Variants in NCKAP5 observed in about 807,000 individuals in gnomAD.
NCKAP5 encodes nck-associated protein 5.
In NCKAP5, 92 loss-of-function variants were observed where a neutral mutation model predicts 167.0. That is an observed-to-expected ratio of 0.55 (90% CI 0.47 to 0.66). The LOEUF is 0.66. NCKAP5 is among the 30% of genes least tolerant of loss of function. NCKAP5 has a pLI of 0.00. For missense variants in NCKAP5, 2,378 were observed against 2,315.0 expected, an observed-to-expected ratio of 1.03 and a Z score of -0.56; for synonymous variants, 891 against 877.4, an observed-to-expected ratio of 1.02 and a Z score of -0.27.
chr2:132,742,076 C>T (rs368004569), intron 16 of NCKAP5, among the ~76,000 whole-genome samples: 1 of 152,170 alleles, frequency 6.6e-6, no homozygotes, highest in African/African-American at 2.4e-5. Context: ...ATCTTTGCTT[C>T]TGTACAACAA....
intron 19 of NCKAP5, among the ~76,000 whole-genome samples, chr2:132,697,230 C>A (rs1176039825): frequency 4.6e-5 from 7 of 152,214 alleles, no homozygotes; most frequent in Non-Finnish European, 7.3e-5. Context: ...GAGCAGTCAC[C>A]TTGGAGGAGC....
intron 13 of NCKAP5, among the ~76,000 whole-genome samples, chr2:132,789,000 A>G (rs1683830186): frequency 6.6e-6 from 1 of 152,126 alleles, no homozygotes; most frequent in African/African-American, 2.4e-5. Context: ...ACCATGACAG[A>G]GCCCTATTAA....
At chr2:133,154,133 C>A (rs1034399522) in intron 5 of NCKAP5, among the ~76,000 whole-genome samples, 1 of 152,146 alleles carries the variant, frequency 6.6e-6, no homozygotes, top group Admixed American at 6.5e-5. Flanking sequence ...TGAGCCACCA[C>A]TCCCGGCCAG....
At chr2:133,594,890 ATT>A in the NCKAP5 span, among the ~76,000 whole-genome samples, 4 of 152,014 alleles carry the variant, frequency 2.6e-5, no homozygotes, top group African/African-American at 7.2e-5. Context: ...TTACACATTC[ATT>A]CATTCATTCA....
At chr2:133,144,912 G>C (rs2083132866) in intron 5 of NCKAP5, among the ~76,000 whole-genome samples, 1 of 151,984 alleles carries the variant, frequency 6.6e-6, no homozygotes, top group Non-Finnish European at 1.5e-5. Flanking sequence ...AACTTACAAA[G>C]GGTCTACATT....
At chr2:133,608,698 A>G in the NCKAP5 span, among the ~76,000 whole-genome samples, 11 of 152,258 alleles carry the variant, frequency 7.2e-5, no homozygotes, top group East Asian at 5.8e-4. Flanking sequence ...CGAGTGTAAA[A>G]TATCACAGTT....
intron 5 of NCKAP5, among the ~76,000 whole-genome samples, chr2:133,207,730 A>C (rs2150147661): frequency 6.6e-6 from 1 of 152,374 alleles, no homozygotes; most frequent in South Asian, 2.1e-4. Flanking sequence ...AATTGAGCCA[A>C]AAAATAAAGC....
chr2:132,711,229 C>T (rs75115218), intron 19 of NCKAP5, among the ~76,000 whole-genome samples: 4,186 of 152,286 alleles, frequency 0.027, 188 homozygotes, highest in African/African-American at 0.094. Context: ...TCTCCAAAAG[C>T]TTTCCATTAC....
intron 6 of NCKAP5, among the ~76,000 whole-genome samples, chr2:133,109,134 A>C (rs1436551343): frequency 6.6e-6 from 1 of 152,192 alleles, no homozygotes; most frequent in Non-Finnish European, 1.5e-5. Context: ...CTGTACGATG[A>C]GGCCTCAAAT....
At position 132,830,419 on chromosome 2, in the gene NCKAP5, C is replaced by G. The variant is rs75072855; in HGVS notation, c.807+30073G>C. ...TTGCTTGCAACAGTCTAAGGACAGT[C>G]TGTTTCCCCCCTTGCAGTGCTGAGA... On this transcript the variant is annotated intron_variant, in intron 11 of 19. Transcript: ENST00000409261. 5.5e-4 allele frequency among the ~76,000 whole-genome samples: 83 copies of G among 152,000 alleles called. No individual in the cohort carries two copies. In the East Asian group the frequency reaches 0.014, roughly 25 times the overall value.
intron 5 of NCKAP5, 108 bp downstream of exon 5, chr2:133,213,608 T>C: frequency 9.5e-7 from 1 of 1,057,350 alleles, no homozygotes; most frequent in Admixed American, 2.1e-5. Flanking sequence ...TATCATTAAG[T>C]TTGCTGCAAG....
At chr2:133,064,266 G>A (rs2080111682) in intron 6 of NCKAP5, among the ~76,000 whole-genome samples, 1 of 152,230 alleles carries the variant, frequency 6.6e-6, no homozygotes, top group Admixed American at 6.5e-5. Context: ...AGAGTGCAAA[G>A]CACTGCCTCT....
intron 5 of NCKAP5, among the ~76,000 whole-genome samples, chr2:133,158,123 A>G (rs908049200): frequency 6.6e-6 from 1 of 152,246 alleles, no homozygotes; most frequent in African/African-American, 2.4e-5. Context: ...CTTGTCCTTT[A>G]GGAAATTTAA....
At chr2:133,250,576 T>C (rs1361700983) in intron 4 of NCKAP5, among the ~76,000 whole-genome samples, 1 of 152,252 alleles carries the variant, frequency 6.6e-6, no homozygotes, top group African/African-American at 2.4e-5. Context: ...TCTCACTGCC[T>C]GCTATTTTCT....
intron 16 of NCKAP5, among the ~76,000 whole-genome samples, chr2:132,754,801 A>G (rs1238451882): frequency 6.6e-6 from 1 of 152,266 alleles, no homozygotes; most frequent in African/African-American, 2.4e-5. Context: ...TTTTTAAAAA[A>G]CAGGCCAGGG....
intron 11 of NCKAP5, among the ~76,000 whole-genome samples, chr2:132,844,741 A>G (rs533277446): frequency 6.6e-6 from 1 of 152,126 alleles, no homozygotes; most frequent in African/African-American, 2.4e-5. Context: ...AACAGTGCAC[A>G]GTGTCTCACA....
intron 3 of NCKAP5, among the ~76,000 whole-genome samples, chr2:133,331,502 G>A (rs1182273486): frequency 6.6e-6 from 1 of 152,178 alleles, no homozygotes; most frequent in Non-Finnish European, 1.5e-5. Flanking sequence ...CTCTCCCGTT[G>A]TTCCCGTTAT....
rs534384715 is a variant in NCKAP5 at position 133,012,341 on chromosome 2, A to T, written c.342-18102T>A. ...CGGCTCACTGCAAGCTCTGCCTCCCAGGTTCCCGCCATTATCCTGCCTCAG... is the reference window on the plus strand; with the variant it reads ...CGGCTCACTGCAAGCTCTGCCTCCCTGGTTCCCGCCATTATCCTGCCTCAG... On this transcript the variant is annotated intron_variant, in intron 6 of 19. Coordinates refer to ENST00000409261, the MANE Select transcript of NCKAP5 (RefSeq NM_207363.3). Among the ~76,000 whole-genome samples the T allele has an allele frequency of 1.8e-3, 268 of 152,070 alleles. 1 individual carries two copies. Among genetic ancestry groups the T allele is most frequent in the African/African-American group, 6.0e-3 (247 of 41,478 alleles).
At chr2:133,460,860 C>T (rs1159379460) in intron 3 of NCKAP5, among the ~76,000 whole-genome samples, 2 of 152,028 alleles carry the variant, frequency 1.3e-5, no homozygotes, top group African/African-American at 4.8e-5. Context: ...ATAAAAATTT[C>T]ATAGGTAAGC....
Sources: gnomAD v4.1 joint callset for allele counts (sites outside exome capture counted in the v4.1 genomes callset) on GRCh38, gnomAD v4.1.1 for gene constraint, MANE v1.5 for transcripts, NCBI Gene and HGNC (gene_info 2026-07-23, HGNC 2026-07-21) for gene names.